CR1: variants seen among roughly 807,000 people sequenced by gnomAD.
CR1 encodes the protein complement receptor type 1.
Under a neutral mutation model 187.3 loss-of-function variants are expected in CR1, and 116 were observed. That is an observed-to-expected ratio of 0.62 (90% CI 0.53 to 0.72). The LOEUF is 0.72. CR1 is among the 30% of genes least tolerant of loss of function. CR1 has a pLI of 0.00. For synonymous variants in CR1, 576 were observed against 747.1 expected (o/e 0.77, Z 3.73); for missense variants, 1,731 against 2,110.7 (o/e 0.82, Z 3.52).
intron 28 of CR1, 95 bp downstream of exon 28, chr1:207,575,775 T>C (rs1197878831): frequency 1.9e-6 from 3 of 1,576,816 alleles, no homozygotes; most frequent in Non-Finnish European, 2.6e-6. Context: ...CTCTTGGAAA[T>C]GGTATCCTTC....
At chr1:207,609,171 A>T (rs1661835370) in intron 36 of CR1, 119 bp from the exon 37 acceptor site, 2 of 1,024,616 alleles carry the variant, frequency 2.0e-6, no homozygotes, top group Non-Finnish European at 1.4e-6. Context: ...TAAGAAAATA[A>T]CAGTATTGTA....
In CR1 at chr1:207,640,360, C is replaced by T. The variant is rs1226808746; in HGVS notation, c.*951C>T. ...CCATGTTAGCCAGGATGGTCTGGAT[C>T]TCCTGACCTCGTGATCCACCTGCCT... On this transcript the variant is annotated 3_prime_UTR_variant, in exon 47 of 47. Coordinates refer to ENST00000367049, the MANE Select transcript of CR1 (RefSeq NM_000651.6). 3 of 152,198 alleles carry T rather than the reference C, an allele frequency of 2.0e-5. No individual in the cohort carries two copies. Among genetic ancestry groups the T allele is most frequent in the Non-Finnish European group, 2.9e-5 (2 of 68,058 alleles). The allele number at this position is 152,198 out of a possible 1,614,324, so 9.4% of individuals were successfully genotyped here.
chr1:207,509,634 G>GA (rs1341576722), intron 3 of CR1, among the ~76,000 whole-genome samples: 2 of 151,742 alleles, frequency 1.3e-5, no homozygotes, highest in African/African-American at 2.4e-5. Context: ...TAGTATGGAG[G>GA]AAAAAAAATG....
intron 41 of CR1, 88 bp from the exon 42 acceptor site, chr1:207,617,983 G>T: frequency 7.0e-7 from 1 of 1,421,608 alleles, no homozygotes; most frequent in Non-Finnish European, 9.5e-7. Context: ...ACCTCTAATA[G>T]CCAGAGATAT....
At chr1:207,598,351 A>G (rs941293836) in intron 35 of CR1, among the ~76,000 whole-genome samples, 2 of 152,230 alleles carry the variant, frequency 1.3e-5, no homozygotes, top group African/African-American at 2.4e-5. Context: ...AATTTAAAAC[A>G]TATCAAATAA....
chr1:207,619,181 G>A (rs1035003398), intron 42 of CR1, among the ~76,000 whole-genome samples: 24 of 151,296 alleles, frequency 1.6e-4, no homozygotes, highest in Admixed American at 2.6e-4. Flanking sequence ...TCAGGAGTTC[G>A]AGACCAGCCT....
At position 207,639,711 on chromosome 1, in the gene CR1, G is replaced by A; in HGVS notation, c.*302G>A. ...AGTTTGGATTACTTAAAGGAATAAGGTGTTGCCTGGAATTTCTGGTTTGTA... is the reference window on the plus strand; with the variant it reads ...AGTTTGGATTACTTAAAGGAATAAGATGTTGCCTGGAATTTCTGGTTTGTA... On this transcript the variant is annotated 3_prime_UTR_variant, in exon 47 of 47. Transcript: ENST00000367049. 7.7e-6 allele frequency: 2 copies of A among 258,714 alleles called. No homozygotes were observed. Among genetic ancestry groups the A allele is most frequent in the East Asian group, 1.5e-4 (2 of 13,590 alleles). The allele number at this position is 258,714 out of a possible 1,614,324, so 16.0% of individuals were successfully genotyped here. A position where few individuals can be genotyped will look rare whatever the true frequency, so the allele number is the denominator to read the frequency against.
rs1410399239 is a variant in CR1, at chr1:207,523,753, G to A, written c.630G>A (p.Glu210=). 2.5e-6 allele frequency: 4 copies of A among 1,611,996 alleles called. No individual in the cohort carries two copies. The East Asian group carries it at 6.7e-5, about 27-fold the overall frequency. The change falls in exon 5 of 47, where the codon GAG becomes GAA. Residue 210 remains glutamate (E), a synonymous_variant. Coordinates refer to ENST00000367049, the MANE Select transcript of CR1 (RefSeq NM_000651.6). ...GAAAGGTGTTTGAGCTTGTGGGTGA[G>A]CCCTCCATATACTGCACCAGCAATG... ...GGRKVFELVG[E]PSIYCTSNDD...
intron 29 of CR1, among the ~76,000 whole-genome samples, chr1:207,579,009 C>T (rs980120046): frequency 6.6e-6 from 1 of 152,176 alleles, no homozygotes; most frequent in Non-Finnish European, 1.5e-5. Flanking sequence ...GAGTCTAAGT[C>T]AAGAGTGAAA....
At chr1:207,507,133 G>T in intron 3 of CR1, 1 of 222,966 alleles carries the variant, frequency 4.5e-6, no homozygotes, top group Non-Finnish European at 8.7e-6. Context: ...ATTGCTGGAA[G>T]AAAGGGAAGG....
chr1:207,595,632 G>A (rs1328624042), intron 35 of CR1, among the ~76,000 whole-genome samples: 5 of 151,720 alleles, frequency 3.3e-5, no homozygotes, highest in Non-Finnish European at 7.4e-5. Context: ...CAGATGCATC[G>A]TCTTAAATAA....
Position 207,620,037 on chromosome 1 carries a change from G to GA in CR1, c.7224_7225insA (p.Asp2409ArgfsTer13), listed in dbSNP as rs766080420. ...GCCAGTGCCAGGCGGATGACAGATGGGACCCTCCTCTGGCCAAATGTACCT... is the reference window on the plus strand; with the variant it reads ...GCCAGTGCCAGGCGGATGACAGATGGAGACCCTCCTCTGGCCAAATGTACCT... On this transcript the variant is annotated frameshift_variant, in exon 43 of 47. Coordinates refer to ENST00000367049, the MANE Select transcript of CR1 (RefSeq NM_000651.6). LOFTEE classifies it high-confidence loss of function. 17 of 1,612,658 alleles carry GA rather than the reference G, an allele frequency of 1.1e-5. No homozygotes were observed. The highest frequency in any genetic ancestry group is 1.4e-5 in the Non-Finnish European group (17 of 1,179,622).
At chr1:207,578,897 C>A (rs1030080283) in intron 29 of CR1, among the ~76,000 whole-genome samples, 1 of 152,174 alleles carries the variant, frequency 6.6e-6, no homozygotes, top group African/African-American at 2.4e-5. Context: ...GAGTTGATGT[C>A]CCACTCTGTT....
Position 207,505,842 on chromosome 1 carries a change from G to GA in CR1, c.122-52dup, listed in dbSNP as rs55717835. 4.5e-3 allele frequency: 6,325 copies of GA among 1,393,054 alleles called. 7 individuals are homozygous for GA. Among genetic ancestry groups the GA allele is most frequent in the African/African-American group, 0.016 (1,058 of 67,858 alleles). 86.3% of individuals were successfully genotyped at this position (1,393,054 alleles called of 1,614,324 possible). ...TGGAGCCAGTCTCCGTCTCAAAAAA[G>GA]AAAAAAAAAAGTATGGTAATTTCTC... On this transcript the variant is annotated intron_variant, in intron 1 of 46. Coordinates refer to ENST00000367049, the MANE Select transcript of CR1 (RefSeq NM_000651.6).
chr1:207,637,046 T>C (rs1027234595), intron 46 of CR1, among the ~76,000 whole-genome samples: 1 of 152,226 alleles, frequency 6.6e-6, no homozygotes, highest in Non-Finnish European at 1.5e-5. Flanking sequence ...CGATCTCGTT[T>C]CTAAAGTTTG....
At chr1:207,609,069 CA>C (rs1275283649) in intron 36 of CR1, among the ~76,000 whole-genome samples, 2 of 151,580 alleles carry the variant, frequency 1.3e-5, no homozygotes, top group Non-Finnish European at 1.5e-5. Context: ...CCCAAAAAAA[CA>C]TGGATTTTTT....
chr1:207,583,626 T>C (rs1225974705), intron 32 of CR1, among the ~76,000 whole-genome samples: 1 of 152,220 alleles, frequency 6.6e-6, no homozygotes, highest in Non-Finnish European at 1.5e-5. Flanking sequence ...TAAAAATACA[T>C]GTTTACAATA....
intron 35 of CR1, among the ~76,000 whole-genome samples, chr1:207,589,777 C>A (rs1419601331): frequency 6.6e-6 from 1 of 152,140 alleles, no homozygotes; most frequent in African/African-American, 2.4e-5. Context: ...ACATAAATGA[C>A]CTGATGGAGC....
chr1:207,522,967 A>G (rs559436634), intron 4 of CR1, among the ~76,000 whole-genome samples: 201 of 152,302 alleles, frequency 1.3e-3, no homozygotes, highest in African/African-American at 4.5e-3. Context: ...TTATGATATC[A>G]AACTTAGATT....
Sources: allele counts gnomAD v4.1 joint callset (sites outside exome capture counted in the v4.1 genomes callset), GRCh38; gene constraint gnomAD v4.1.1; transcripts MANE v1.5; gene names NCBI Gene and HGNC (gene_info 2026-07-23, HGNC 2026-07-21).